Variants in MMS22L observed in about 807,000 individuals in gnomAD.
MMS22L encodes the protein MMS22 like, DNA repair protein, also known as protein MMS22-like.
In MMS22L, 74 loss-of-function variants were observed where a neutral mutation model predicts 159.1. That is an observed-to-expected ratio of 0.47 (90% CI 0.39 to 0.56). The LOEUF (loss-of-function observed/expected upper bound fraction) is 0.56, where lower values mean the gene tolerates loss of function less well. Ranked by LOEUF, MMS22L falls within the 20% of genes least tolerant of loss-of-function variation. MMS22L has a pLI of 0.00. For synonymous variants in MMS22L, 517 were observed against 506.9 expected, an observed-to-expected ratio of 1.02 and a Z score of -0.27; for missense variants, 1,351 against 1,422.1, an observed-to-expected ratio of 0.95 and a Z score of 0.80.
chr6:97,246,510 A>G, intron 11 of MMS22L, 118 bp downstream of exon 11: 1 of 747,958 alleles, frequency 1.3e-6, no homozygotes. Context: ...TTAACCCTTC[A>G]AAGCATGAAA....
chr6:97,255,982 G>T (rs1377417941), intron 9 of MMS22L, among the ~76,000 whole-genome samples: 1 of 151,786 alleles, frequency 6.6e-6, no homozygotes, highest in Non-Finnish European at 1.5e-5. Flanking sequence ...GATATATTCT[G>T]TTTTAGAATA....
At chr6:97,152,913 C>T (rs896136831) in intron 22 of MMS22L, among the ~76,000 whole-genome samples, 1 of 150,136 alleles carries the variant, frequency 6.7e-6, no homozygotes, top group African/African-American at 2.5e-5. Context: ...ATAGCTCACT[C>T]TAACTTCCAT....
intron 22 of MMS22L, among the ~76,000 whole-genome samples, chr6:97,157,128 T>C (rs1801942297): frequency 2.0e-5 from 3 of 152,184 alleles, no homozygotes; most frequent in Admixed American, 6.5e-5. Flanking sequence ...CTGTCTGTTA[T>C]TGGTGTATAG....
intron 7 of MMS22L, among the ~76,000 whole-genome samples, chr6:97,268,416 C>T (rs1455068326): frequency 6.6e-6 from 1 of 152,094 alleles, no homozygotes; most frequent in East Asian, 1.9e-4. Context: ...TCTCAATCTC[C>T]TGACCTTGTG....
At chr6:97,271,627 A>T (rs1041919374) in intron 6 of MMS22L, 3 of 152,160 alleles carry the variant, frequency 2.0e-5, no homozygotes, top group African/African-American at 4.8e-5. Context: ...TCTGATGAAA[A>T]ACTTGTTTCT....
chr6:97,240,870 A>G (rs1582754117), intron 11 of MMS22L, among the ~76,000 whole-genome samples: 2 of 151,720 alleles, frequency 1.3e-5, no homozygotes, highest in South Asian at 4.2e-4. Context: ...CAGGTGATCC[A>G]CCTGCCTTGG....
intron 22 of MMS22L, among the ~76,000 whole-genome samples, chr6:97,152,444 T>C (rs1392110991): frequency 6.6e-6 from 1 of 152,154 alleles, no homozygotes; most frequent in Non-Finnish European, 1.5e-5. Context: ...TTTAAAATTG[T>C]GTGCTTGTAC....
intron 3 of MMS22L, 51 bp from the exon 4 acceptor site, chr6:97,278,949 T>A: frequency 6.7e-7 from 1 of 1,497,286 alleles, no homozygotes; most frequent in Non-Finnish European, 9.2e-7. Context: ...CTTTAAAGCA[T>A]GTAACAATTA....
At chr6:97,163,448 A>G (rs1381043402) in intron 21 of MMS22L, among the ~76,000 whole-genome samples, 1 of 152,018 alleles carries the variant, frequency 6.6e-6, no homozygotes, top group Admixed American at 6.6e-5. Context: ...AGTATTAAAA[A>G]AAAAGCCTTC....
chr6:97,203,212 A>T (rs1807369212), intron 14 of MMS22L, among the ~76,000 whole-genome samples: 2 of 152,222 alleles, frequency 1.3e-5, no homozygotes, highest in Admixed American at 1.3e-4. Context: ...AAGGCAAAAA[A>T]AGGAGGTTGT....
chr6:97,155,225 TTTC>T (rs1801705877), intron 22 of MMS22L, among the ~76,000 whole-genome samples: 1 of 152,204 alleles, frequency 6.6e-6, no homozygotes, highest in Non-Finnish European at 1.5e-5. Context: ...TACTTTTTGT[TTTC>T]TTAATGACTC....
chr6:97,233,564 C>A (rs1219347480), intron 12 of MMS22L, among the ~76,000 whole-genome samples: 1 of 152,042 alleles, frequency 6.6e-6, no homozygotes, highest in Non-Finnish European at 1.5e-5. Context: ...GTGTCATGAG[C>A]AATCAATTAT....
chr6:97,191,327 A>C (rs1276012494), intron 14 of MMS22L, among the ~76,000 whole-genome samples: 1 of 152,184 alleles, frequency 6.6e-6, no homozygotes, highest in Non-Finnish European at 1.5e-5. Flanking sequence ...TTTCGCCTCT[A>C]ATCTTGGCAT....
Position 97,167,119 on chromosome 6 carries a change from C to T in MMS22L, c.3009+952G>A, listed in dbSNP as rs115695132. On this transcript the variant is annotated intron_variant, in intron 20 of 24. Transcript: ENST00000683635. ...GACACTAATGAATAATAAAGTACACCTCCAGTCTCATCCTTTCCTGAATGG... is the reference window on the plus strand; with the variant it reads ...GACACTAATGAATAATAAAGTACACTTCCAGTCTCATCCTTTCCTGAATGG... Among the ~76,000 whole-genome samples the T allele has an allele frequency of 2.9e-3, 435 of 152,164 alleles. 1 individual carries two copies. The highest frequency in any genetic ancestry group is 9.9e-3 in the African/African-American group (413 of 41,512).
At position 97,200,747 on chromosome 6, in the gene MMS22L, A is replaced by C. The variant is rs910914056; in HGVS notation, c.2040-14057T>G. ...CAGTATGAATGTGCAACAGTGCTAT[A>C]GGAGCAGATATAATGTCAAACAAGG... On this transcript the variant is annotated intron_variant, in intron 14 of 24. Coordinates refer to ENST00000683635, the MANE Select transcript of MMS22L (RefSeq NM_001350599.2). Among the ~76,000 whole-genome samples the C allele has an allele frequency of 2.0e-5, 3 of 152,166 alleles. No homozygotes were observed. The East Asian group carries it at 5.8e-4, about 29-fold the overall frequency.
intron 18 of MMS22L, among the ~76,000 whole-genome samples, chr6:97,176,775 G>T (rs537908903): frequency 6.6e-6 from 1 of 152,266 alleles, no homozygotes; most frequent in South Asian, 2.1e-4. Context: ...ACTGGGAAAA[G>T]AATCTTGGAA....
At chr6:97,207,566 CCT>C (rs1807915890) in intron 14 of MMS22L, among the ~76,000 whole-genome samples, 1 of 152,278 alleles carries the variant, frequency 6.6e-6, no homozygotes, top group South Asian at 2.1e-4. Context: ...TTGAGGCTCT[CCT>C]CTCTCTTTGG....
At chr6:97,279,523 G>A (rs1410191933) in intron 3 of MMS22L, among the ~76,000 whole-genome samples, 3 of 151,408 alleles carry the variant, frequency 2.0e-5, no homozygotes, top group African/African-American at 4.9e-5. Flanking sequence ...AGTGGCTCCC[G>A]CCTGTAATCC....
intron 14 of MMS22L, among the ~76,000 whole-genome samples, chr6:97,193,924 CT>C (rs1474522975): frequency 6.6e-6 from 1 of 152,030 alleles, no homozygotes; most frequent in Non-Finnish European, 1.5e-5. Flanking sequence ...CCACGCCCAG[CT>C]AATGTTTTTG....
Sources: allele counts gnomAD v4.1 joint callset (sites outside exome capture counted in the v4.1 genomes callset), GRCh38; gene constraint gnomAD v4.1.1; transcripts MANE v1.5; gene names NCBI Gene and HGNC (gene_info 2026-07-23, HGNC 2026-07-21).